The following SPAG16 variants were observed in gnomAD, a reference collection of about 807,000 sequenced individuals.
SPAG16 encodes the protein sperm-associated antigen 16 protein.
A neutral mutation model predicts 80.4 loss-of-function variants in SPAG16; 86 were observed. The ratio of observed to expected loss-of-function variants is 1.07; its 90% confidence interval spans 0.90 to 1.28. The LOEUF (loss-of-function observed/expected upper bound fraction) is 1.28, where lower values mean the gene tolerates loss of function less well. SPAG16 is among the 50% of genes most tolerant of loss of function. The pLI is 0.00. For synonymous variants in SPAG16, 294 were observed against 265.9 expected, an observed-to-expected ratio of 1.11 and a Z score of -1.03; for missense variants, 870 against 765.3, an observed-to-expected ratio of 1.14 and a Z score of -1.61.
chr2:213,617,252 A>G (rs955207807), intron 10 of SPAG16, among the ~76,000 whole-genome samples: 3 of 152,176 alleles, frequency 2.0e-5, no homozygotes, highest in African/African-American at 7.2e-5. Flanking sequence ...TTCACTCATA[A>G]AAACAATGAG....
At chr2:213,434,292 A>G (rs1378740403) in intron 9 of SPAG16, among the ~76,000 whole-genome samples, 3 of 152,258 alleles carry the variant, frequency 2.0e-5, no homozygotes, top group African/African-American at 4.8e-5. Context: ...CTAGACTCCT[A>G]TCTCTCAGCA....
chr2:213,562,709 C>T lies in SPAG16; in HGVS notation c.1070+72619C>T, dbSNP rs139592367. 9.2e-3 allele frequency among the ~76,000 whole-genome samples: 1,386 copies of T among 151,042 alleles called. 14 individuals are homozygous for T. The highest frequency in any genetic ancestry group is 0.02 in the South Asian group (93 of 4,762). ...TGGTGCTATCTTTTCTCTGTCCTCA[C>T]GTGGTGGAAGGGGCAGATCTGATGC... On this transcript the variant is annotated intron_variant, in intron 10 of 15. Coordinates refer to ENST00000331683, the MANE Select transcript of SPAG16 (RefSeq NM_024532.5).
chr2:213,652,678 T>C (rs2063066250), intron 10 of SPAG16, among the ~76,000 whole-genome samples: 1 of 152,166 alleles, frequency 6.6e-6, no homozygotes, highest in Admixed American at 6.5e-5. Context: ...TTTATTTGTC[T>C]GTTAATGTCT....
intron 12 of SPAG16, among the ~76,000 whole-genome samples, chr2:213,959,947 T>A: frequency 6.6e-6 from 1 of 152,156 alleles, no homozygotes; most frequent in East Asian, 1.9e-4. Context: ...ATGTGGAAAG[T>A]TTTCAGCCAT....
At chr2:213,432,036 T>C (rs2070335029) in intron 9 of SPAG16, among the ~76,000 whole-genome samples, 1 of 152,144 alleles carries the variant, frequency 6.6e-6, no homozygotes, top group Non-Finnish European at 1.5e-5. Flanking sequence ...AATAATTTTT[T>C]TGAAATGAAG....
intron 10 of SPAG16, among the ~76,000 whole-genome samples, chr2:213,665,768 G>A (rs1174775797): frequency 6.6e-6 from 1 of 152,084 alleles, no homozygotes; most frequent in African/African-American, 2.4e-5. Context: ...ACTCATGCCT[G>A]AATGAAGCCT....
chr2:213,893,651 C>A lies in SPAG16; in HGVS notation c.1214+31023C>A, dbSNP rs530425421. Reference sequence around the variant, plus strand: ...TTTGTTTCCATTTTTTCTTTGTGATCTAAGATAACTTGTCATATCTGTAAA... The same window carrying A: ...TTTGTTTCCATTTTTTCTTTGTGATATAAGATAACTTGTCATATCTGTAAA... On this transcript the variant is annotated intron_variant, in intron 11 of 15. Transcript: ENST00000331683. 1.8e-4 allele frequency among the ~76,000 whole-genome samples: 28 copies of A among 151,734 alleles called. 1 individual carries two copies. In the South Asian group the frequency reaches 5.0e-3, roughly 27 times the overall value.
intron 8 of SPAG16, chr2:213,365,482 G>C (rs940001606): frequency 2.7e-5 from 4 of 150,738 alleles, no homozygotes; most frequent in Non-Finnish European, 5.9e-5. Flanking sequence ...TTTTGAGACA[G>C]AGTCTTGCTG....
At chr2:214,069,678 T>G (rs2050694639) in intron 13 of SPAG16, among the ~76,000 whole-genome samples, 1 of 152,160 alleles carries the variant, frequency 6.6e-6, no homozygotes, top group South Asian at 2.1e-4. Context: ...GTCTCATTAG[T>G]CTAAGCTTGT....
chr2:214,209,676 T>G (rs1349794184), intron 15 of SPAG16, among the ~76,000 whole-genome samples: 1 of 152,150 alleles, frequency 6.6e-6, no homozygotes, highest in Non-Finnish European at 1.5e-5. Flanking sequence ...ATTTGACTAG[T>G]GCTCCCAATT....
At chr2:213,777,578 T>A (rs956821884) in intron 10 of SPAG16, among the ~76,000 whole-genome samples, 5 of 152,060 alleles carry the variant, frequency 3.3e-5, no homozygotes, top group Admixed American at 6.6e-5. Context: ...GCTAATTTTT[T>A]AAGTATTTTT....
At chr2:214,085,478 CT>C (rs1288911743) in intron 13 of SPAG16, among the ~76,000 whole-genome samples, 1 of 151,864 alleles carries the variant, frequency 6.6e-6, no homozygotes, top group Non-Finnish European at 1.5e-5. Flanking sequence ...ATCAAAATTG[CT>C]TTTAGGGCAA....
At chr2:214,137,591 T>C (rs903484754) in intron 14 of SPAG16, among the ~76,000 whole-genome samples, 2 of 152,116 alleles carry the variant, frequency 1.3e-5, no homozygotes, top group African/African-American at 4.8e-5. Flanking sequence ...ACTTTTGTGA[T>C]ATACTCTAGT....
chr2:213,872,560 C>A (rs7606535), intron 11 of SPAG16, among the ~76,000 whole-genome samples: 90,310 of 151,880 alleles, frequency 0.59, 28,728 homozygotes, highest in South Asian at 0.85. Flanking sequence ...TTTCCTTTCT[C>A]ATCTAGATAC....
At chr2:214,044,501 C>T (rs2049204910) in intron 13 of SPAG16, among the ~76,000 whole-genome samples, 1 of 152,144 alleles carries the variant, frequency 6.6e-6, no homozygotes, top group Non-Finnish European at 1.5e-5. Context: ...TATAAAGCTT[C>T]ATCCATCATC....
chr2:214,077,407 T>C (rs531210587), intron 13 of SPAG16, among the ~76,000 whole-genome samples: 106 of 152,324 alleles, frequency 7.0e-4, no homozygotes, highest in African/African-American at 2.4e-3. Context: ...TTATGTCTCA[T>C]CTATGCAAGA....
At chr2:214,050,947 T>A (rs1441720814) in intron 13 of SPAG16, among the ~76,000 whole-genome samples, 2 of 152,212 alleles carry the variant, frequency 1.3e-5, no homozygotes, top group Non-Finnish European at 2.9e-5. Context: ...AACATTATCG[T>A]TGAGTAGACT....
intron 10 of SPAG16, among the ~76,000 whole-genome samples, chr2:213,656,040 T>C (rs1176422816): frequency 6.6e-6 from 1 of 152,232 alleles, no homozygotes; most frequent in East Asian, 1.9e-4. Flanking sequence ...GTCTAATAAT[T>C]GGTAGTCTTC....
intron 10 of SPAG16, among the ~76,000 whole-genome samples, chr2:213,822,703 C>T (rs1291334938): frequency 1.3e-5 from 2 of 152,080 alleles, no homozygotes; most frequent in Non-Finnish European, 2.9e-5. Flanking sequence ...AACCTATTGA[C>T]CCGTCCTCTA....
Sources: gnomAD v4.1 joint callset for allele counts (sites outside exome capture counted in the v4.1 genomes callset) on GRCh38, gnomAD v4.1.1 for gene constraint, MANE v1.5 for transcripts, NCBI Gene and HGNC (gene_info 2026-07-23, HGNC 2026-07-21) for gene names.